Variants in GYG1 observed in about 807,000 individuals in gnomAD.
GYG1 encodes glycogenin 1, also known as glycogenin-1.
GYG1 carries 44 observed loss-of-function variants against 41.9 expected under a neutral mutation model. The observed-to-expected ratio is 1.05, with a 90% CI of 0.83 to 1.35. The LOEUF (loss-of-function observed/expected upper bound fraction) is 1.35, where lower values mean the gene tolerates loss of function less well. Among genes scored for constraint, GYG1 ranks in the 40% most tolerant of loss-of-function variants. The pLI is 0.00. For synonymous variants in GYG1, 141 were observed against 158.1 expected (o/e 0.89, Z 0.81); for missense variants, 429 against 418.9 (o/e 1.02, Z -0.21).
chr3:149,023,407 T>C (rs1161549865), intron 5 of GYG1, among the ~76,000 whole-genome samples: 1 of 152,226 alleles, frequency 6.6e-6, no homozygotes, highest in East Asian at 1.9e-4. Context: ...GGTGCTGCTG[T>C]GAACATTTTG....
At chr3:149,023,324 G>C (rs1714470354) in intron 5 of GYG1, among the ~76,000 whole-genome samples, 1 of 152,186 alleles carries the variant, frequency 6.6e-6, no homozygotes, top group Non-Finnish European at 1.5e-5. Flanking sequence ...TGGGAGTAAT[G>C]TATACTTGCT....
At chr3:149,016,350 C>T (rs906732793) in intron 5 of GYG1, among the ~76,000 whole-genome samples, 2 of 150,198 alleles carry the variant, frequency 1.3e-5, no homozygotes, top group Non-Finnish European at 3.0e-5. Context: ...TGTATGGGCA[C>T]AGATGCTTGT....
In GYG1 at chr3:149,026,910, A is replaced by C. The variant is rs1714684388; in HGVS notation, c.1030A>C (p.Lys344Gln). The C allele has an allele frequency of 1.2e-6, 2 of 1,613,550 alleles. No individual in the cohort carries two copies. The highest frequency in any genetic ancestry group is 1.7e-6 in the Non-Finnish European group (2 of 1,179,538). Residue 344 changes from lysine to glutamine, a missense_variant, in exon 8 of 8, where the codon AAA becomes CAA. Physicochemically the swap from Lys to Gln is moderately conservative, Grantham distance 53 (BLOSUM62 1). Coordinates refer to ENST00000345003, the MANE Select transcript of GYG1 (RefSeq NM_004130.4). ...AGATTCCTTTGACAACATCAAGAGG[A>C]AACTTGACACTTACCTCCAGTAGAA... Reference protein sequence around the residue: ...GADSFDNIKRKLDTYLQ With the variant: ...GADSFDNIKRQLDTYLQ
chr3:149,011,231 A>G (rs1713703925), intron 5 of GYG1, among the ~76,000 whole-genome samples: 1 of 152,226 alleles, frequency 6.6e-6, no homozygotes, highest in Admixed American at 6.5e-5. Flanking sequence ...CTTGTAAAAT[A>G]CAAACGTGTC....
chr3:149,004,177 C>T lies in GYG1; in HGVS notation c.482-5099C>T, dbSNP rs147060740. The T allele has an allele frequency of 2.0e-5, 3 of 152,382 alleles. No individual in the cohort carries two copies. The East Asian group carries it at 5.8e-4, about 29-fold the overall frequency. 9.4% of individuals were successfully genotyped at this position (152,382 alleles called of 1,614,324 possible). On this transcript the variant is annotated intron_variant, in intron 4 of 7. Transcript: ENST00000345003. ...CATTTCCTTTCTCCCTGTCTCTCAC[C>T]TGTGTTACCACACCCTGGTGTACCG...
At chr3:149,003,027 TAATA>T (rs1311583960) in intron 4 of GYG1, among the ~76,000 whole-genome samples, 1 of 151,792 alleles carries the variant, frequency 6.6e-6, no homozygotes, top group Non-Finnish European at 1.5e-5. Context: ...TGTAAATAAA[TAATA>T]GATAGATAGA....
At chr3:148,993,536 C>T (rs1576535821) in intron 1 of GYG1, among the ~76,000 whole-genome samples, 1 of 152,022 alleles carries the variant, frequency 6.6e-6, no homozygotes, top group Admixed American at 6.5e-5. Flanking sequence ...GCTTTTGCTC[C>T]ACGTTGAGGA....
intron 5 of GYG1, among the ~76,000 whole-genome samples, chr3:149,016,917 G>A (rs1329074262): frequency 6.6e-6 from 1 of 152,188 alleles, no homozygotes; most frequent in Non-Finnish European, 1.5e-5. Context: ...GAGAACATGA[G>A]CCACAGAAGT....
Position 149,029,033 on chromosome 3 carries a change from A to G in GYG1, c.*2100A>G, listed in dbSNP as rs1161316242. 1.3e-5 allele frequency among the ~76,000 whole-genome samples: 2 copies of G among 152,206 alleles called. No individual in the cohort carries two copies. The highest frequency in any genetic ancestry group is 1.9e-4 in the East Asian group (1 of 5,190). On this transcript the variant is annotated 3_prime_UTR_variant, in exon 8 of 8. Coordinates refer to ENST00000345003, the MANE Select transcript of GYG1 (RefSeq NM_004130.4). The stretch of plus-strand genomic sequence containing the variant: ...CACCCAGCAAATTTTTAAATTTCAA[A>G]TAAGTAGTGAAGGCTATTATTAACT...
chr3:149,011,178 G>A (rs1713701838), intron 5 of GYG1, among the ~76,000 whole-genome samples: 1 of 152,140 alleles, frequency 6.6e-6, no homozygotes, highest in Non-Finnish European at 1.5e-5. Flanking sequence ...CACTGTCAAG[G>A]GAGGAATAGG....
chr3:149,008,940 T>G, intron 4 of GYG1: 1 of 267,662 alleles, frequency 3.7e-6, no homozygotes, highest in South Asian at 4.2e-5. Flanking sequence ...GGTGTATCAC[T>G]TGAGATCAGG....
chr3:148,993,744 C>T (rs540020028), intron 1 of GYG1, among the ~76,000 whole-genome samples: 19 of 152,250 alleles, frequency 1.2e-4, no homozygotes, highest in Non-Finnish European at 4.4e-5. Flanking sequence ...TTGAGTTTGA[C>T]GGTTGGTTTT....
intron 5 of GYG1, 59 bp from the exon 6 acceptor site, chr3:149,023,994 T>C (rs1200201093): frequency 2.4e-5 from 29 of 1,195,922 alleles, no homozygotes; most frequent in Non-Finnish European, 3.1e-5. Context: ...TAAGTGCTGC[T>C]TATCTTTTTG....
At position 149,026,995 on chromosome 3, in the gene GYG1, C is replaced by G; in HGVS notation, c.*62C>G. 2 of 1,553,244 alleles carry G rather than the reference C, an allele frequency of 1.3e-6. No homozygotes were observed. Among genetic ancestry groups the G allele is most frequent in the Non-Finnish European group, 1.8e-6 (2 of 1,124,336 alleles). The stretch of plus-strand genomic sequence containing the variant: ...AAGCCTTGTTTCTGATACTTAGTAT[C>G]TAGAGCTGGGTTGAGAAAAGTCTGT... On this transcript the variant is annotated 3_prime_UTR_variant, in exon 8 of 8. Transcript: ENST00000345003.
chr3:149,024,286 CT>C lies in GYG1; in HGVS notation c.828+18del. 6.8e-7 allele frequency: 1 copy of C among 1,476,530 alleles called. No individual in the cohort carries two copies. The highest frequency in any genetic ancestry group is 9.5e-7 in the Non-Finnish European group (1 of 1,054,294). The allele number at this position is 1,476,530 out of a possible 1,614,324, so 91.5% of individuals were successfully genotyped here. On this transcript the variant is annotated intron_variant, in intron 6 of 7. Coordinates refer to ENST00000345003, the MANE Select transcript of GYG1 (RefSeq NM_004130.4). ...TATGTAAATGTGGTAGGTTCTGTTT[CT>C]TTTCTTCAGATCATTTAATGCTGCT...
At position 149,026,926 on chromosome 3, in the gene GYG1, T is replaced by G; in HGVS notation, c.1046T>G (p.Leu349Arg). ...ATCAAGAGGAAACTTGACACTTACC[T>G]CCAGTAGAAACACTGCATTTTTCTG... ...DNIKRKLDTY[L>R]Q Residue 349 changes from leucine (L) to arginine (R), a missense_variant, in exon 8 of 8, where the codon CTC becomes CGC. Coordinates refer to ENST00000345003, the MANE Select transcript of GYG1 (RefSeq NM_004130.4). 1.2e-6 allele frequency: 2 copies of G among 1,613,760 alleles called. No individual in the cohort carries two copies. Among genetic ancestry groups the G allele is most frequent in the Non-Finnish European group, 1.7e-6 (2 of 1,179,654 alleles).
At position 149,024,170 on chromosome 3, in the gene GYG1, T is replaced by C. The variant is rs1276618940; in HGVS notation, c.726T>C (p.His242=). 1.2e-6 allele frequency: 2 copies of C among 1,613,544 alleles called. No homozygotes were observed. Among genetic ancestry groups the C allele is most frequent in the Non-Finnish European group, 1.7e-6 (2 of 1,179,458 alleles). The change falls in exon 6 of 8, where the codon CAT becomes CAC. Residue 242 remains histidine, a synonymous_variant. Coordinates refer to ENST00000345003, the MANE Select transcript of GYG1 (RefSeq NM_004130.4). ...AGGCCCATGATCCCAACATGACTCA[T>C]CCAGAGTTTCTCATCCTGTGGTGGA... is the stretch of plus-strand genomic sequence containing the variant. ...KSEAHDPNMT[H]PEFLILWWNI...
At chr3:148,993,871 A>G (rs1712633709) in intron 1 of GYG1, among the ~76,000 whole-genome samples, 2 of 152,132 alleles carry the variant, frequency 1.3e-5, no homozygotes, top group African/African-American at 4.8e-5. Flanking sequence ...GTATTAAGCT[A>G]TTGTTTTGTC....
rs538515044 is a variant in GYG1 at position 149,011,719 on chromosome 3, G to T, written c.608+2317G>T. Among the ~76,000 whole-genome samples the T allele has an allele frequency of 2.0e-5, 3 of 152,302 alleles. No individual in the cohort carries two copies. In the East Asian group the frequency reaches 5.8e-4, roughly 29 times the overall value. On this transcript the variant is annotated intron_variant, in intron 5 of 7. Coordinates refer to ENST00000345003, the MANE Select transcript of GYG1 (RefSeq NM_004130.4). ...CAAATGAATTGCCCCCAAAAAACCA[G>T]TTAGAGATCTAAATTACTGAAACAG...
Sources: allele counts gnomAD v4.1 joint callset (sites outside exome capture counted in the v4.1 genomes callset), GRCh38; gene constraint gnomAD v4.1.1; transcripts MANE v1.5; gene names NCBI Gene and HGNC (gene_info 2026-07-23, HGNC 2026-07-21).